DARS1: variants seen among roughly 807,000 people sequenced by gnomAD.
The protein encoded by DARS1 is aspartyl-tRNA synthetase 1.
Under a neutral mutation model 68.8 loss-of-function variants are expected in DARS1, and 51 were observed. The observed-to-expected ratio is 0.74, with a 90% CI of 0.59 to 0.94. The LOEUF is 0.94. Ranked by LOEUF, DARS1 falls within the 40% of genes least tolerant of loss-of-function variation. The pLI is 0.00. For synonymous variants in DARS1, 203 were observed against 190.4 expected, an observed-to-expected ratio of 1.07 and a Z score of -0.55; for missense variants, 607 against 597.3, an observed-to-expected ratio of 1.02 and a Z score of -0.17.
chr2:135,983,943 G>A (rs1316491850), intron 1 of DARS1, among the ~76,000 whole-genome samples: 2 of 152,150 alleles, frequency 1.3e-5, no homozygotes, highest in Non-Finnish European at 2.9e-5. Context: ...GAGATGCTGG[G>A]TATAAGCTAA....
Position 135,927,622 on chromosome 2 carries a change from C to T in DARS1, c.565-3124G>A, listed in dbSNP as rs528404213. On this transcript the variant is annotated intron_variant, in intron 7 of 15. Coordinates refer to ENST00000264161, the MANE Select transcript of DARS1 (RefSeq NM_001349.4). The stretch of plus-strand genomic sequence containing the variant: ...TCATTAAACAAATATTTATTATATG[C>T]CTCCTAGTACTGGGCTAGGTGTTAG... Among the ~76,000 whole-genome samples, 344 of 152,134 alleles carry T rather than the reference C, an allele frequency of 2.3e-3. 1 individual carries two copies. Among genetic ancestry groups the T allele is most frequent in the African/African-American group, 7.9e-3 (328 of 41,516 alleles).
At chr2:135,951,752 C>T (rs1022046201) in intron 4 of DARS1, among the ~76,000 whole-genome samples, 2 of 152,208 alleles carry the variant, frequency 1.3e-5, no homozygotes, top group Admixed American at 1.3e-4. Context: ...CCATCCACAT[C>T]TGGTGTTACA....
At chr2:135,961,117 G>A (rs1246073564) in intron 4 of DARS1, among the ~76,000 whole-genome samples, 3 of 152,184 alleles carry the variant, frequency 2.0e-5, no homozygotes, top group Non-Finnish European at 4.4e-5. Flanking sequence ...GCTCTGCTAT[G>A]TTGAGGCTGC....
rs992435404 is a variant in DARS1, at chr2:135,907,242, CTTTTTTTTT to C, written c.*65_*73del. 45 of 453,734 alleles carry C rather than the reference CTTTTTTTTT, an allele frequency of 9.9e-5. No homozygotes were observed. Among genetic ancestry groups the C allele is most frequent in the Non-Finnish European group, 1.5e-4 (42 of 287,260 alleles). The allele number at this position is 453,734 out of a possible 1,614,324, so 28.1% of individuals were successfully genotyped here. A position where few individuals can be genotyped will look rare whatever the true frequency, so the allele number is the denominator to read the frequency against. On this transcript the variant is annotated 3_prime_UTR_variant, in exon 16 of 16. Transcript: ENST00000264161. ...TACTGAAAAGAATAAGTGTGGCTTT[CTTTTTTTTT>C]TTTTTTTTTTGAGGCAGGGTCTCGC...
chr2:135,934,624 A>G (rs914002855), intron 5 of DARS1, among the ~76,000 whole-genome samples: 2 of 152,068 alleles, frequency 1.3e-5, no homozygotes, highest in African/African-American at 4.8e-5. Flanking sequence ...TGTCTCAAAA[A>G]AACAAAAACA....
intron 7 of DARS1, among the ~76,000 whole-genome samples, chr2:135,924,965 T>C (rs1252788180): frequency 6.6e-6 from 1 of 152,220 alleles, no homozygotes; most frequent in Admixed American, 6.5e-5. Context: ...CAGATACTTG[T>C]GTATTTGTTC....
chr2:135,980,357 A>C (rs898289691), intron 2 of DARS1: 1 of 152,254 alleles, frequency 6.6e-6, no homozygotes, highest in Non-Finnish European at 1.5e-5. Context: ...TAAACATAGC[A>C]ATAGACATGA....
intron 4 of DARS1, among the ~76,000 whole-genome samples, chr2:135,949,848 T>C (rs1681805245): frequency 6.6e-6 from 1 of 152,224 alleles, no homozygotes; most frequent in Admixed American, 6.5e-5. Context: ...CGTATTAAAT[T>C]CCAATGTTTC....
chr2:135,908,169 G>A (rs1680826595), intron 15 of DARS1, among the ~76,000 whole-genome samples: 1 of 152,184 alleles, frequency 6.6e-6, no homozygotes, highest in South Asian at 2.1e-4. Flanking sequence ...AGAAATGTGT[G>A]TGTCTTTTCG....
chr2:135,946,478 T>A (rs151255058), intron 4 of DARS1, among the ~76,000 whole-genome samples: 1 of 152,256 alleles, frequency 6.6e-6, no homozygotes, highest in East Asian at 1.9e-4. Flanking sequence ...CTCATCCTTT[T>A]AGATAAAAGA....
At chr2:135,974,514 C>G (rs1187482332) in intron 3 of DARS1, among the ~76,000 whole-genome samples, 1 of 152,154 alleles carries the variant, frequency 6.6e-6, no homozygotes, top group African/African-American at 2.4e-5. Context: ...TGATAAAATT[C>G]AACATCTCCT....
intron 7 of DARS1, among the ~76,000 whole-genome samples, chr2:135,927,539 TCAGA>T (rs1181051677): frequency 5.3e-5 from 8 of 152,086 alleles, no homozygotes; most frequent in African/African-American, 1.4e-4. Flanking sequence ...TTGTTTTGGG[TCAGA>T]CAAATATTTT....
rs369617769 is a variant in DARS1 at position 135,920,554 on chromosome 2, A to C, written c.858T>G (p.Phe286Leu). The change falls in exon 10 of 16, where the codon TTT becomes TTG. Residue 286 changes from phenylalanine (F) to leucine (L), a missense_variant. Coordinates refer to ENST00000264161, the MANE Select transcript of DARS1 (RefSeq NM_001349.4). ...AAGCCATTTCAATGTCCAAACCAAC[A>C]AACTCAGTTAGATGTCTATGGGTAT... Reference protein sequence around the residue: ...DSNTHRHLTEFVGLDIEMAFN... With the variant: ...DSNTHRHLTELVGLDIEMAFN... 1.2e-6 allele frequency: 2 copies of C among 1,613,656 alleles called. No individual in the cohort carries two copies. Among genetic ancestry groups the C allele is most frequent in the Admixed American group, 3.3e-5 (2 of 59,992 alleles).
chr2:135,933,571 CTTCA>C (rs1377842920), intron 6 of DARS1, among the ~76,000 whole-genome samples: 2 of 151,980 alleles, frequency 1.3e-5, no homozygotes, highest in African/African-American at 4.8e-5. Context: ...ATGTTATTAG[CTTCA>C]TTATTTACAT....
At chr2:135,922,271 A>C (rs1313774528) in intron 9 of DARS1, among the ~76,000 whole-genome samples, 1 of 152,218 alleles carries the variant, frequency 6.6e-6, no homozygotes, top group Non-Finnish European at 1.5e-5. Flanking sequence ...GGTACACTGT[A>C]AACTTACAGG....
chr2:135,954,324 C>CAAAAAAAAAAAAAAAAAA (rs1681913035), intron 4 of DARS1, among the ~76,000 whole-genome samples: 1 of 101,414 alleles, frequency 9.9e-6, no homozygotes, highest in Non-Finnish European at 1.9e-5. Context: ...AAAAACAAAA[C>CAAAAAAAAAAAAAAAAAA]CAAAAAAAAA....
chr2:135,929,881 G>T (rs1018950738), intron 7 of DARS1, among the ~76,000 whole-genome samples: 2 of 152,174 alleles, frequency 1.3e-5, no homozygotes, highest in Admixed American at 1.3e-4. Flanking sequence ...AGTGGAGGCT[G>T]CCCTGAGTGC....
chr2:135,946,486 A>C (rs1019922986), intron 4 of DARS1, among the ~76,000 whole-genome samples: 2 of 152,222 alleles, frequency 1.3e-5, no homozygotes, highest in African/African-American at 2.4e-5. Context: ...TTTAGATAAA[A>C]GAAAAAAGCA....
At chr2:135,932,690 C>T (rs980335241) in intron 7 of DARS1, 93 bp downstream of exon 7, 2 of 734,288 alleles carry the variant, frequency 2.7e-6, no homozygotes, top group Non-Finnish European at 4.7e-6. Context: ...CAGGCAAATA[C>T]CATTTAGCTT....
Sources: allele counts gnomAD v4.1 joint callset (sites outside exome capture counted in the v4.1 genomes callset), GRCh38; gene constraint gnomAD v4.1.1; transcripts MANE v1.5; gene names NCBI Gene and HGNC (gene_info 2026-07-23, HGNC 2026-07-21).